Variants in CLCN6 observed in about 807,000 individuals in gnomAD.
CLCN6 encodes the protein H(+)/Cl(-) exchange transporter 6.
CLCN6 carries 70 observed loss-of-function variants against 109.8 expected under a neutral mutation model. That is an observed-to-expected ratio of 0.64 (90% CI 0.53 to 0.78). The LOEUF (loss-of-function observed/expected upper bound fraction) is 0.78. CLCN6 is among the 30% of genes least tolerant of loss of function. CLCN6 has a pLI of 0.00. For synonymous variants in CLCN6, 444 were observed against 447.8 expected (o/e 0.99, Z 0.11); for missense variants, 984 against 1,142.3 (o/e 0.86, Z 2.00).
Position 11,836,052 on chromosome 1 carries a change from A to G in CLCN6, c.1879A>G (p.Thr627Ala). ...RIQSLVSILR[T>A]TVHHAFPVVT... is the part of the protein sequence containing the mutation. ...CCAGTCTCTGGTGAGCATCCTGCGC[A>G]CCACGGTCCACCATGCCTTCCCGGT... Residue 627 changes from threonine (T) to alanine (A), a missense_variant, in exon 18 of 23, where the codon ACC (threonine) becomes GCC (alanine). Thr to Ala is a moderately conservative substitution (Grantham distance 58, BLOSUM62 0). Transcript: ENST00000346436. 6.2e-7 allele frequency: 1 copy of G among 1,613,258 alleles called. No homozygotes were observed. Among genetic ancestry groups the G allele is most frequent in the Non-Finnish European group, 8.5e-7 (1 of 1,179,830 alleles).
intron 13 of CLCN6, 37 bp downstream of exon 13, chr1:11,829,359 A>C (rs1239515789): frequency 6.2e-7 from 1 of 1,612,584 alleles, no homozygotes; most frequent in Non-Finnish European, 8.5e-7. Context: ...ATCCCATACC[A>C]CGAGGAAGAA....
Position 11,838,913 on chromosome 1 carries a change from C to T in CLCN6, c.2529+253C>T, listed in dbSNP as rs761834263. On this transcript the variant is annotated intron_variant, in intron 22 of 22. Coordinates refer to ENST00000346436, the MANE Select transcript of CLCN6 (RefSeq NM_001286.5). ...CCGCGCCTCTACCAGGCTGTGTCTT[C>T]CTCCTGAAATGTTGCTCTTCACTCC... 16 of 719,696 alleles carry T rather than the reference C, an allele frequency of 2.2e-5. No homozygotes were observed. The Admixed American group carries it at 2.6e-4, about 12-fold the overall frequency. The allele number at this position is 719,696 out of a possible 1,614,324, so 44.6% of individuals were successfully genotyped here.
At chr1:11,807,033 G>A in intron 1 of CLCN6, 98 bp from the exon 2 acceptor site, 3 of 1,092,442 alleles carry the variant, frequency 2.7e-6, no homozygotes, top group Non-Finnish European at 4.2e-6. Flanking sequence ...AATGGCTCCA[G>A]ATGATTTAGA....
At chr1:11,835,103 G>C (rs554336507) in intron 17 of CLCN6, among the ~76,000 whole-genome samples, 403 of 152,272 alleles carry the variant, frequency 2.6e-3, no homozygotes, top group Non-Finnish European at 3.6e-3. Context: ...TTCTGTGGAG[G>C]GCCAGACAGG....
At chr1:11,832,985 T>A (rs1644899284) in intron 13 of CLCN6, among the ~76,000 whole-genome samples, 2 of 151,204 alleles carry the variant, frequency 1.3e-5, no homozygotes, top group Non-Finnish European at 2.9e-5. Context: ...CCAGGCATTA[T>A]GGAGGTGGGT....
intron 18 of CLCN6, 23 bp from the exon 19 acceptor site, chr1:11,836,976 G>T (rs1026376817): frequency 9.3e-6 from 15 of 1,604,608 alleles, no homozygotes; most frequent in Non-Finnish European, 1.3e-5. Context: ...ATGCGCAGTA[G>T]CCTGTGGCCT....
chr1:11,827,272 G>A (rs1644824961), intron 10 of CLCN6, 51 bp downstream of exon 10: 1 of 1,575,010 alleles, frequency 6.3e-7, no homozygotes, highest in Non-Finnish European at 8.6e-7. Context: ...GAATTACACT[G>A]GGTGTCCCTT....
At chr1:11,818,757 GTAAC>G (rs1197415687) in intron 4 of CLCN6, among the ~76,000 whole-genome samples, 1 of 152,222 alleles carries the variant, frequency 6.6e-6, no homozygotes, top group African/African-American at 2.4e-5. Flanking sequence ...TCTACCCAGA[GTAAC>G]TATGGACTAT....
intron 19 of CLCN6, 50 bp downstream of exon 19, chr1:11,837,206 G>C (rs763262737): frequency 1.2e-6 from 2 of 1,606,522 alleles, no homozygotes; most frequent in African/African-American, 2.7e-5. Context: ...ACAGCGGTGG[G>C]GTGAGCCTTT....
chr1:11,834,502 G>A lies in CLCN6; in HGVS notation c.1705G>A (p.Asp569Asn), dbSNP rs937826223. ...GTTTCAGGTGGCCAAATGGACAGGGGACTTTTTCAATAAGGGCATTTATGA... is the reference window on the plus strand; with the variant it reads ...GTTTCAGGTGGCCAAATGGACAGGGAACTTTTTCAATAAGGGCATTTATGA... ...VTLMVAKWTG[D>N]FFNKGIYDIH... is the part of the protein sequence containing the mutation. Residue 569 changes from aspartate (D) to asparagine (N), a missense_variant, in exon 17 of 23, where the codon GAC becomes AAC. Transcript: ENST00000346436. The surrounding 1 kb of genome is among the most constrained non-coding windows in gnomAD (Gnocchi z 4.5). 19 of 1,614,044 alleles carry A rather than the reference G, an allele frequency of 1.2e-5. No homozygotes were observed. Among genetic ancestry groups the A allele is most frequent in the Middle Eastern group, 1.6e-4 (1 of 6,084 alleles).
Position 11,822,762 on chromosome 1 carries a change from C to G in CLCN6, c.414C>G (p.Leu138=). 1 of 1,614,114 alleles carries G rather than the reference C, an allele frequency of 6.2e-7. No homozygotes were observed. Among genetic ancestry groups the G allele is most frequent in the Non-Finnish European group, 8.5e-7 (1 of 1,179,954 alleles). Residue 138 remains leucine (L), a synonymous_variant, in exon 6 of 23, where the codon CTC becomes CTG. Coordinates refer to ENST00000346436, the MANE Select transcript of CLCN6 (RefSeq NM_001286.5). The stretch of plus-strand genomic sequence containing the variant: ...TCCTTGAACTCCTGGGTTTTAACCT[C>G]ACCTTTGTCTTCCTGGCAAGCCTCC... ...LSLLELLGFN[L]TFVFLASLLV...
At chr1:11,826,988 A>G in intron 9 of CLCN6, 101 bp from the exon 10 acceptor site, 2 of 1,457,996 alleles carry the variant, frequency 1.4e-6, no homozygotes, top group South Asian at 1.2e-5. Flanking sequence ...CTGCCTATTC[A>G]TTCACAGGTG....
rs150459389 is a variant in CLCN6, at chr1:11,828,100, C to G, written c.841-6C>G. ...ACCTTCTTGTCTTTTGTCACCTCTC[C>G]CCTAGCTCTTTTGTTCCATGTCTGC... On this transcript the variant is annotated splice_polypyrimidine_tract_variant and splice_region_variant and intron_variant, in intron 10 of 22. Coordinates refer to ENST00000346436, the MANE Select transcript of CLCN6 (RefSeq NM_001286.5). 7 of 1,608,792 alleles carry G rather than the reference C, an allele frequency of 4.4e-6. No individual in the cohort carries two copies. In the East Asian group the frequency reaches 6.7e-5, roughly 15 times the overall value.
chr1:11,834,255 A>T lies in CLCN6; in HGVS notation c.1546A>T (p.Ile516Phe), dbSNP rs1644917300. 6.2e-7 allele frequency: 1 copy of T among 1,613,672 alleles called. No individual in the cohort carries two copies. Among genetic ancestry groups the T allele is most frequent in the African/African-American group, 1.3e-5 (1 of 74,888 alleles). The change falls in exon 16 of 23, where the codon ATC (isoleucine) becomes TTC (phenylalanine). Residue 516 changes from isoleucine to phenylalanine, a missense_variant. Transcript: ENST00000346436. This position sits in a 1 kb window ranked among gnomAD's most constrained non-coding sequence, Gnocchi z 4.5. Reference protein sequence around the residue: ...VLKSYIGLGHIYSGTFALIGA... With the variant: ...VLKSYIGLGHFYSGTFALIGA... ...CACTAGCTACATTGGATTGGGCCAC[A>T]TCTATTCGGGGACCTTTGCCCTGAT...
chr1:11,818,737 GGTT>G (rs1386380164), intron 4 of CLCN6, among the ~76,000 whole-genome samples: 1 of 152,178 alleles, frequency 6.6e-6, no homozygotes, highest in Non-Finnish European at 1.5e-5. Context: ...ACTGGAATTT[GGTT>G]GTTTTCTCTA....
Position 11,806,196 on chromosome 1 carries a change from CG to C in CLCN6, c.-66del. ...CACGTGACCGTCCCGGGGCCAGTCA[CG>C]TGAGGCGCAGATCCTGGCTGGGAGG... On this transcript the variant is annotated 5_prime_UTR_variant, in exon 1 of 23. Coordinates refer to ENST00000346436, the MANE Select transcript of CLCN6 (RefSeq NM_001286.5). 1 of 1,343,856 alleles carries C rather than the reference CG, an allele frequency of 7.4e-7. No individual in the cohort carries two copies. The highest frequency in any genetic ancestry group is 9.7e-7 in the Non-Finnish European group (1 of 1,031,282). The allele number at this position is 1,343,856 out of a possible 1,614,324, so 83.2% of individuals were successfully genotyped here. A position where few individuals can be genotyped will look rare whatever the true frequency, so the allele number is the denominator to read the frequency against.
At chr1:11,812,500 G>C (rs959862731) in intron 2 of CLCN6, among the ~76,000 whole-genome samples, 1 of 152,028 alleles carries the variant, frequency 6.6e-6, no homozygotes, top group South Asian at 2.1e-4. Context: ...CTTCAGCTTC[G>C]GTCTCCTCCC....
intron 12 of CLCN6, 136 bp downstream of exon 12, chr1:11,828,760 G>C: frequency 1.0e-6 from 1 of 962,698 alleles, no homozygotes. Flanking sequence ...TCTAAACACG[G>C]CCATGCATCT....
intron 11 of CLCN6, 118 bp downstream of exon 11, chr1:11,828,337 C>T (rs1644838438): frequency 9.1e-6 from 13 of 1,422,188 alleles, no homozygotes; most frequent in Non-Finnish European, 1.2e-5. Context: ...ACACATCTCA[C>T]CCATTAGCCT....
Sources: gnomAD v4.1 joint callset for allele counts (sites outside exome capture counted in the v4.1 genomes callset) on GRCh38, gnomAD v4.1.1 for gene constraint, Gnocchi (gnomAD v3.1) non-coding constraint, MANE v1.5 for transcripts, NCBI Gene and HGNC (gene_info 2026-07-23, HGNC 2026-07-21) for gene names.